Variants in DHDH observed in about 807,000 individuals in gnomAD.
DHDH encodes dihydrodiol dehydrogenase, also known as trans-1,2-dihydrobenzene-1,2-diol dehydrogenase.
DHDH carries 29 observed loss-of-function variants against 33.2 expected under a neutral mutation model. The observed-to-expected ratio is 0.87, with a 90% CI of 0.65 to 1.19. DHDH has a LOEUF of 1.19. Among genes scored for constraint, DHDH ranks in the 50% most tolerant of loss-of-function variants. The pLI is 0.00. For missense variants in DHDH, 431 were observed against 455.0 expected (o/e 0.95, Z 0.48); for synonymous variants, 201 against 187.9 (o/e 1.07, Z -0.57).
intron 1 of DHDH, 77 bp downstream of exon 1, chr19:48,933,888 G>A: frequency 7.1e-7 from 1 of 1,417,392 alleles, no homozygotes; most frequent in South Asian, 1.2e-5. Context: ...AGGGAGTTTA[G>A]GGTTCAGGAC....
Position 48,937,683 on chromosome 19 carries a change from G to A in DHDH, c.366+1488G>A, listed in dbSNP as rs28375355. Reference sequence around the variant, plus strand: ...AAAAATTAGCCGGGCGTGGTGGCGGGCGCCTGTAGTCCCAGCTACTCGGGA... The same window carrying A: ...AAAAATTAGCCGGGCGTGGTGGCGGACGCCTGTAGTCCCAGCTACTCGGGA... On this transcript the variant is annotated intron_variant, in intron 3 of 6. Coordinates refer to ENST00000221403, the MANE Select transcript of DHDH (RefSeq NM_014475.4). Among the ~76,000 whole-genome samples the A allele has an allele frequency of 4.4e-3, 670 of 151,958 alleles. 2 individuals are homozygous for A. Among genetic ancestry groups the A allele is most frequent in the African/African-American group, 0.015 (629 of 41,500 alleles).
chr19:48,941,636 C>G (rs937338020), intron 4 of DHDH, among the ~76,000 whole-genome samples: 8 of 150,716 alleles, frequency 5.3e-5, no homozygotes, highest in Non-Finnish European at 1.0e-4. Context: ...ACACATTTGG[C>G]CTCCCAAAGT....
At chr19:48,940,162 C>A (rs1159714366) in intron 4 of DHDH, among the ~76,000 whole-genome samples, 1 of 151,902 alleles carries the variant, frequency 6.6e-6, no homozygotes, top group Non-Finnish European at 1.5e-5. Context: ...GGAGACCACC[C>A]TGGCCAATAT....
chr19:48,938,836 A>C (rs2037817289), intron 3 of DHDH, among the ~76,000 whole-genome samples: 1 of 151,918 alleles, frequency 6.6e-6, no homozygotes, highest in African/African-American at 2.4e-5. Flanking sequence ...TTTAATAGAG[A>C]CGGGGTTTCA....
At position 48,939,175 on chromosome 19, in the gene DHDH, C is replaced by T. The variant is rs1317707092; in HGVS notation, c.367-274C>T. Among the ~76,000 whole-genome samples the T allele has an allele frequency of 3.3e-5, 5 of 151,830 alleles. No homozygotes were observed. In the East Asian group the frequency reaches 9.8e-4, roughly 30 times the overall value. ...CAAAAGTCAATAGGGCACGGTGGCT[C>T]ATGCCTGTAATCTCAGCACTTTGGG... is the stretch of plus-strand genomic sequence containing the variant. On this transcript the variant is annotated intron_variant, in intron 3 of 6. Transcript: ENST00000221403.
At chr19:48,939,364 T>A in intron 3 of DHDH, 85 bp from the exon 4 acceptor site, 1 of 1,474,862 alleles carries the variant, frequency 6.8e-7, no homozygotes, top group African/African-American at 1.4e-5. Flanking sequence ...GTTTGGAGAC[T>A]GGGTTGCAGT....
chr19:48,937,894 C>A (rs1600085165), intron 3 of DHDH, among the ~76,000 whole-genome samples: 1 of 151,138 alleles, frequency 6.6e-6, no homozygotes, highest in East Asian at 1.9e-4. Flanking sequence ...CCGTGACATT[C>A]TTTCTCTGGG....
intron 3 of DHDH, among the ~76,000 whole-genome samples, chr19:48,936,753 T>A (rs898408667): frequency 6.7e-6 from 1 of 149,496 alleles, no homozygotes; most frequent in African/African-American, 2.4e-5. Flanking sequence ...AGAGTGAAAG[T>A]GGCATAGAAT....
chr19:48,939,118 G>A (rs2037820724), intron 3 of DHDH, among the ~76,000 whole-genome samples: 2 of 152,034 alleles, frequency 1.3e-5, no homozygotes, highest in African/African-American at 4.8e-5. Context: ...ATAACATGGG[G>A]AGACTGGGGC....
At position 48,935,126 on chromosome 19, in the gene DHDH, C is replaced by T. The variant is rs1421619127; in HGVS notation, c.202+15C>T. 2 of 1,532,948 alleles carry T rather than the reference C, an allele frequency of 1.3e-6. No homozygotes were observed. Among genetic ancestry groups the T allele is most frequent in the Middle Eastern group, 1.7e-4 (1 of 5,770 alleles). 95.0% of individuals were successfully genotyped at this position (1,532,948 alleles called of 1,614,324 possible). On this transcript the variant is annotated intron_variant, in intron 2 of 6. Coordinates refer to ENST00000221403, the MANE Select transcript of DHDH (RefSeq NM_014475.4). ...CCCGAGCGTGGGTGAGTGGCGAGGG[C>T]GATGGGGGTGCTGGCCGCCGCCCCT...
chr19:48,937,355 G>A (rs970638849), intron 3 of DHDH, among the ~76,000 whole-genome samples: 1 of 152,096 alleles, frequency 6.6e-6, no homozygotes, highest in South Asian at 2.1e-4. Context: ...CGTGAGCCCT[G>A]ACACTCTTGC....
Position 48,944,913 on chromosome 19 carries a change from T to C in DHDH, c.985T>C (p.Phe329Leu). 1 of 1,614,084 alleles carries C rather than the reference T, an allele frequency of 6.2e-7. No homozygotes were observed. The highest frequency in any genetic ancestry group is 2.2e-5 in the East Asian group (1 of 44,878). Residue 329 changes from phenylalanine (F) to leucine (L), a missense_variant, in exon 7 of 7, where the codon TTC (phenylalanine) becomes CTC (leucine). Phe to Leu is a conservative substitution (Grantham distance 22, BLOSUM62 0). Coordinates refer to ENST00000221403, the MANE Select transcript of DHDH (RefSeq NM_014475.4). ...GGTGAGGAAGGCCATTGGAGTCACCTTCCCCCAAGACAAACGCTGATGTAT... is the reference window on the plus strand; with the variant it reads ...GGTGAGGAAGGCCATTGGAGTCACCCTCCCCCAAGACAAACGCTGATGTAT... ...EEVRKAIGVT[F>L]PQDKR
At chr19:48,942,591 G>A in intron 5 of DHDH, 27 bp downstream of exon 5, 1 of 1,601,394 alleles carries the variant, frequency 6.2e-7, no homozygotes. Flanking sequence ...CCAAGCGCTG[G>A]GGATCGTGCC....
Position 48,936,200 on chromosome 19 carries a change from G to C in DHDH, c.366+5G>C, listed in dbSNP as rs1434272329. On this transcript the variant is annotated splice_donor_5th_base_variant and intron_variant, in intron 3 of 6. Coordinates refer to ENST00000221403, the MANE Select transcript of DHDH (RefSeq NM_014475.4). Reference sequence around the variant, plus strand: ...CGAGCCCTCTTCCTTATGGAGGTGAGGGCAGAGGAGCCCTTCCAATATCCA... The same window carrying C: ...CGAGCCCTCTTCCTTATGGAGGTGACGGCAGAGGAGCCCTTCCAATATCCA... 1 of 1,575,528 alleles carries C rather than the reference G, an allele frequency of 6.3e-7. No individual in the cohort carries two copies. The highest frequency in any genetic ancestry group is 8.6e-7 in the Non-Finnish European group (1 of 1,162,046).
chr19:48,943,012 G>T (rs73575959), intron 5 of DHDH, among the ~76,000 whole-genome samples: 1 of 148,606 alleles, frequency 6.7e-6, no homozygotes, highest in African/African-American at 2.5e-5. Context: ...TTGAGATTAC[G>T]CCATTACATT....
chr19:48,944,359 C>T lies in DHDH; in HGVS notation c.747C>T (p.Leu249=). The T allele has an allele frequency of 6.2e-7, 1 of 1,613,954 alleles. No individual in the cohort carries two copies. Among genetic ancestry groups the T allele is most frequent in the East Asian group, 2.2e-5 (1 of 44,880 alleles). Residue 249 remains leucine (L), a splice_region_variant and synonymous_variant, in exon 6 of 7, where the codon CTC becomes CTT. Coordinates refer to ENST00000221403, the MANE Select transcript of DHDH (RefSeq NM_014475.4). ...SVSGTKGMVQ[L]LNPCWCPTEL... ...TGCCACTTCTTCTCTCCCTCCAGCT[C>T]CTCAACCCCTGCTGGTGCCCGACCG...
In DHDH at chr19:48,933,781, G is replaced by A. The variant is rs1188812999; in HGVS notation, c.60G>A (p.Val20=). 3 of 1,611,792 alleles carry A rather than the reference G, an allele frequency of 1.9e-6. No individual in the cohort carries two copies. The highest frequency in any genetic ancestry group is 1.7e-6 in the Non-Finnish European group (2 of 1,180,004). Residue 20 remains valine (V), a synonymous_variant, in exon 1 of 7, where the codon GTG becomes GTA. Transcript: ENST00000221403. ...VGLISSDFTA[V]LQTLPRSEHQ... ...TCATCTCCAGCGACTTCACAGCCGT[G>A]CTGCAGACGCTGCCTCGCTCTGAGC...
rs540814021 is a variant in DHDH at position 48,937,159 on chromosome 19, C to T, written c.366+964C>T. Among the ~76,000 whole-genome samples, 4 of 125,556 alleles carry T rather than the reference C, an allele frequency of 3.2e-5. No individual in the cohort carries two copies. In the South Asian group the frequency reaches 1.0e-3, roughly 31 times the overall value. The allele number at this position is 125,556 out of a possible 152,430, so 82.4% of individuals were successfully genotyped here. On this transcript the variant is annotated intron_variant, in intron 3 of 6. Coordinates refer to ENST00000221403, the MANE Select transcript of DHDH (RefSeq NM_014475.4). ...TGTAAAGTCACACATTCACAGACTC[C>T]GGGGATCATCAGGTCGTGGATATCT...
upstream of DHDH, chr19:48,933,604 A>G (rs889883002): frequency 2.2e-6 from 2 of 904,736 alleles, no homozygotes; most frequent in Non-Finnish European, 3.5e-6. Flanking sequence ...GCCAACGAGA[A>G]TCGGCGTAGG....
Sources: gnomAD v4.1 joint callset for allele counts (sites outside exome capture counted in the v4.1 genomes callset) on GRCh38, gnomAD v4.1.1 for gene constraint, MANE v1.5 for transcripts, NCBI Gene and HGNC (gene_info 2026-07-23, HGNC 2026-07-21) for gene names.